The following COMMD1 variants were observed in gnomAD, a reference collection of about 807,000 sequenced individuals.
COMMD1 encodes COMM domain-containing protein 1.
Under a neutral mutation model 17.2 loss-of-function variants are expected in COMMD1, and 10 were observed. The ratio of observed to expected loss-of-function variants is 0.58; its 90% CI spans 0.36 to 0.99. COMMD1 has a LOEUF of 0.99. Among genes scored for constraint, COMMD1 ranks in the 50% least tolerant of loss-of-function variants. The probability of loss-of-function intolerance (pLI) is 0.01; values close to 1 mark genes in which losing one functional copy is unlikely to be tolerated. For missense variants in COMMD1, 270 were observed against 231.8 expected (o/e 1.17, Z -1.07); for synonymous variants, 97 against 91.6 (o/e 1.06, Z -0.34).
chr2:61,951,534 CTG>C (rs930400088), intron 1 of COMMD1, among the ~76,000 whole-genome samples: 3 of 151,946 alleles, frequency 2.0e-5, no homozygotes, highest in Admixed American at 6.6e-5. Flanking sequence ...TATTCCAACT[CTG>C]TGGATCTAAG....
intron 1 of COMMD1, among the ~76,000 whole-genome samples, chr2:61,976,069 A>G (rs1465529705): frequency 6.6e-6 from 1 of 152,164 alleles, no homozygotes; most frequent in Non-Finnish European, 1.5e-5. Context: ...TTCTCCAACT[A>G]TAAAAGTGGA....
At chr2:61,991,749 G>T (rs1291775628) in intron 1 of COMMD1, among the ~76,000 whole-genome samples, 1 of 152,188 alleles carries the variant, frequency 6.6e-6, no homozygotes, top group Non-Finnish European at 1.5e-5. Context: ...ATTGCTAGTT[G>T]GGGAATTACA....
intron 2 of COMMD1, among the ~76,000 whole-genome samples, chr2:62,080,690 G>T (rs1407896503): frequency 1.3e-5 from 2 of 151,636 alleles, no homozygotes; most frequent in African/African-American, 4.8e-5. Flanking sequence ...TTAAATAAGA[G>T]ATCCCCATTT....
At chr2:62,121,951 C>G (rs978600849) in intron 2 of COMMD1, among the ~76,000 whole-genome samples, 2 of 152,038 alleles carry the variant, frequency 1.3e-5, no homozygotes, top group African/African-American at 4.8e-5. Context: ...ACCACCGTGC[C>G]CAGCTAATTT....
chr2:61,901,614 C>T (rs991860956), upstream of COMMD1, among the ~76,000 whole-genome samples: 1 of 152,054 alleles, frequency 6.6e-6, no homozygotes, highest in African/African-American at 2.4e-5. Context: ...CAGAGTGACA[C>T]TCTGTCCCCC....
chr2:62,110,498 AAC>A (rs1672428350), intron 2 of COMMD1, among the ~76,000 whole-genome samples: 1 of 152,178 alleles, frequency 6.6e-6, no homozygotes, highest in South Asian at 2.1e-4. Flanking sequence ...TTACATTGAC[AAC>A]TGACTGCCCC....
chr2:62,027,852 C>T (rs1007200622), intron 2 of COMMD1, among the ~76,000 whole-genome samples: 2 of 151,940 alleles, frequency 1.3e-5, no homozygotes, highest in Non-Finnish European at 2.9e-5. Flanking sequence ...TTTGAAGAGA[C>T]AATTTCTTGC....
At chr2:61,937,810 C>T (rs1430930018) in intron 1 of COMMD1, among the ~76,000 whole-genome samples, 1 of 149,352 alleles carries the variant, frequency 6.7e-6, no homozygotes, top group East Asian at 1.9e-4. Flanking sequence ...GAGTATTATA[C>T]CCAGGAGGCT....
intron 1 of COMMD1, among the ~76,000 whole-genome samples, chr2:61,896,814 C>CTTTCCT: frequency 1.4e-5 from 2 of 146,264 alleles, no homozygotes; most frequent in South Asian, 2.2e-4. Flanking sequence ...GTTCTTTTTC[C>CTTTCCT]TTTTCTTTTT....
chr2:62,104,625 C>T (rs564351336), intron 2 of COMMD1, among the ~76,000 whole-genome samples: 20 of 125,926 alleles, frequency 1.6e-4, no homozygotes, highest in African/African-American at 5.7e-4. Context: ...CAGAGTGAGA[C>T]TCCGTCTCAA....
At position 62,126,813 on chromosome 2, in the gene COMMD1, C is replaced by T. The variant is rs865967727; in HGVS notation, c.463-9018C>T. On this transcript the variant is annotated intron_variant, in intron 2 of 2. Transcript: ENST00000311832. ...AGCTGGAAGCATTCCCCTTGAAAAC[C>T]GGCATAAGACAGGGATGACCTCTCC... Among the ~76,000 whole-genome samples the T allele has an allele frequency of 1.2e-4, 18 of 152,106 alleles. No individual in the cohort carries two copies. In the South Asian group the frequency reaches 2.1e-3, roughly 18 times the overall value.
chr2:62,046,102 C>T (rs772279145), intron 2 of COMMD1, among the ~76,000 whole-genome samples: 1 of 152,168 alleles, frequency 6.6e-6, no homozygotes, highest in East Asian at 1.9e-4. Flanking sequence ...CCAAGGACAG[C>T]TTGGAGGTCA....
intron 1 of COMMD1, among the ~76,000 whole-genome samples, chr2:61,957,987 A>C (rs1355237635): frequency 6.6e-6 from 1 of 152,178 alleles, no homozygotes; most frequent in Non-Finnish European, 1.5e-5. Flanking sequence ...TGTGACTGTC[A>C]TTTAAGATTA....
Position 62,007,493 on chromosome 2 carries a change from T to A in COMMD1, c.462+6511T>A, listed in dbSNP as rs187691706. ...TACAATCATGCTCTGCATAATGACATTTCAGTCACTGATGGATCACATATA... is the reference window on the plus strand; with the variant it reads ...TACAATCATGCTCTGCATAATGACAATTCAGTCACTGATGGATCACATATA... On this transcript the variant is annotated intron_variant, in intron 2 of 2. Coordinates refer to ENST00000311832, the MANE Select transcript of COMMD1 (RefSeq NM_152516.4). Among the ~76,000 whole-genome samples the A allele has an allele frequency of 4.6e-5, 7 of 152,338 alleles. No homozygotes were observed. The East Asian group carries it at 1.3e-3, about 29-fold the overall frequency.
At chr2:61,888,788 C>T (rs1558510763) in exon 1 of COMMD1, 5 of 480,168 alleles carry the variant, frequency 1.0e-5, no homozygotes, top group Non-Finnish European at 1.8e-5. Context: ...TGAAGAGCGC[C>T]GGGGGAACCT....
intron 1 of COMMD1, among the ~76,000 whole-genome samples, chr2:61,973,171 G>A (rs1363041402): frequency 6.6e-6 from 1 of 152,062 alleles, no homozygotes; most frequent in Admixed American, 6.6e-5. Context: ...AGACATTTGG[G>A]TTAATTCTAA....
At chr2:61,997,858 C>T (rs59504162) in intron 1 of COMMD1, among the ~76,000 whole-genome samples, 3 of 152,128 alleles carry the variant, frequency 2.0e-5, no homozygotes, top group Non-Finnish European at 4.4e-5. Context: ...TGAGAACTCA[C>T]AAACAAAAAA....
At position 62,068,273 on chromosome 2, in the gene COMMD1, C is replaced by T. The variant is rs80131932; in HGVS notation, c.462+67291C>T. On this transcript the variant is annotated intron_variant, in intron 2 of 2. Coordinates refer to ENST00000311832, the MANE Select transcript of COMMD1 (RefSeq NM_152516.4). ...GGAGCAGGAGACCTTGAACCACATA[C>T]GAACATTGACTCAAAATGGATCATA... 9.1e-3 allele frequency among the ~76,000 whole-genome samples: 1,392 copies of T among 152,248 alleles called. 8 individuals are homozygous for T. The highest frequency in any genetic ancestry group is 0.015 in the Non-Finnish European group (1,001 of 68,028).
chr2:62,058,808 T>C (rs1472507002), intron 2 of COMMD1, among the ~76,000 whole-genome samples: 1 of 152,060 alleles, frequency 6.6e-6, no homozygotes, highest in Non-Finnish European at 1.5e-5. Flanking sequence ...GAGATGGAGT[T>C]TTGCTCTTTT....
Sources: allele counts gnomAD v4.1 joint callset (sites outside exome capture counted in the v4.1 genomes callset), GRCh38; gene constraint gnomAD v4.1.1; transcripts MANE v1.5; gene names NCBI Gene and HGNC (gene_info 2026-07-23, HGNC 2026-07-21).